Variants in GPR158 observed in about 807,000 individuals in gnomAD.
The protein encoded by GPR158 is G protein-coupled receptor 158.
GPR158 carries 30 observed loss-of-function variants against 78.2 expected under a neutral mutation model. The ratio of observed to expected loss-of-function variants is 0.38; its 90% CI spans 0.29 to 0.52. The LOEUF is 0.52. Among genes scored for constraint, GPR158 ranks in the 20% least tolerant of loss-of-function variants. GPR158 has a pLI of 0.83. For missense variants in GPR158, 1,463 were observed against 1,523.5 expected, an observed-to-expected ratio of 0.96 and a Z score of 0.66; for synonymous variants, 581 against 591.1, an observed-to-expected ratio of 0.98 and a Z score of 0.25.
intron 4 of GPR158, among the ~76,000 whole-genome samples, chr10:25,452,121 T>G (rs1335776409): frequency 6.6e-6 from 1 of 151,766 alleles, no homozygotes; most frequent in African/African-American, 2.4e-5. Context: ...CACTGCAGAC[T>G]CAACCTCCTG....
intron 3 of GPR158, among the ~76,000 whole-genome samples, chr10:25,402,458 T>C (rs1249894017): frequency 6.6e-6 from 1 of 152,076 alleles, no homozygotes. Context: ...ATTGTATCAG[T>C]ATTAAATTTC....
intron 7 of GPR158, among the ~76,000 whole-genome samples, chr10:25,580,518 T>C (rs1314541633): frequency 6.6e-6 from 1 of 152,182 alleles, no homozygotes; most frequent in Admixed American, 6.5e-5. Flanking sequence ...ATTTAAATAC[T>C]TAATTACCCT....
chr10:25,417,801 C>A (rs1480424415), intron 4 of GPR158, among the ~76,000 whole-genome samples: 2 of 152,156 alleles, frequency 1.3e-5, no homozygotes, highest in Non-Finnish European at 2.9e-5. Flanking sequence ...GGCCAGGAAA[C>A]ACCTGGTTAG....
At chr10:25,219,695 G>GA (rs1214842874) in intron 1 of GPR158, among the ~76,000 whole-genome samples, 1 of 152,144 alleles carries the variant, frequency 6.6e-6, no homozygotes, top group African/African-American at 2.4e-5. Context: ...GAGGCAGACT[G>GA]AAAAAATAAA....
intron 2 of GPR158, among the ~76,000 whole-genome samples, chr10:25,372,088 CA>C (rs1412448567): frequency 1.6e-5 from 1 of 61,640 alleles, no homozygotes; most frequent in Non-Finnish European, 4.1e-5. Context: ...TTTATGCAGC[CA>C]AAAAACACAT....
intron 2 of GPR158, among the ~76,000 whole-genome samples, chr10:25,222,397 C>T (rs1853311448): frequency 6.7e-6 from 1 of 149,772 alleles, no homozygotes; most frequent in African/African-American, 2.5e-5. Context: ...CCTGATGATC[C>T]CCCACTTCAT....
At chr10:25,302,379 C>T (rs1378329910) in intron 2 of GPR158, among the ~76,000 whole-genome samples, 3 of 152,010 alleles carry the variant, frequency 2.0e-5, no homozygotes, top group East Asian at 3.9e-4. Context: ...CCACCGCGCC[C>T]GGCCATTTGT....
intron 2 of GPR158, among the ~76,000 whole-genome samples, chr10:25,289,465 C>T (rs1011544670): frequency 1.3e-5 from 2 of 152,070 alleles, no homozygotes; most frequent in Admixed American, 6.6e-5. Context: ...CGGAGTCTTG[C>T]TCTGTCACCC....
At chr10:25,392,954 A>G (rs1429651699) in intron 2 of GPR158, among the ~76,000 whole-genome samples, 1 of 152,134 alleles carries the variant, frequency 6.6e-6, no homozygotes, top group Non-Finnish European at 1.5e-5. Context: ...GCTTTTATTG[A>G]TTTTAATTGA....
At chr10:25,192,038 G>A (rs930379464) in intron 1 of GPR158, among the ~76,000 whole-genome samples, 11 of 152,168 alleles carry the variant, frequency 7.2e-5, no homozygotes, top group South Asian at 6.2e-4. Context: ...ATACGGTTTG[G>A]CTGTGTCTGC....
chr10:25,590,423 T>A (rs1837326378), intron 8 of GPR158, among the ~76,000 whole-genome samples: 1 of 152,176 alleles, frequency 6.6e-6, no homozygotes, highest in East Asian at 1.9e-4. Context: ...AGAAATGCTT[T>A]TTCAGCTACT....
At position 25,399,737 on chromosome 10, in the gene GPR158, G is replaced by A. The variant is rs529037013; in HGVS notation, c.1111+3724G>A. On this transcript the variant is annotated intron_variant, in intron 3 of 10. Coordinates refer to ENST00000376351, the MANE Select transcript of GPR158 (RefSeq NM_020752.3). ...AGGAATATGAGCTCTGTAACTCACC[G>A]GGGTCATCATCGAAGAACTACTCAA... 1.3e-4 allele frequency among the ~76,000 whole-genome samples: 20 copies of A among 152,280 alleles called. 1 individual carries two copies. The East Asian group carries it at 2.7e-3, about 21-fold the overall frequency.
At chr10:25,278,015 A>G (rs1478449260) in intron 2 of GPR158, among the ~76,000 whole-genome samples, 1 of 152,198 alleles carries the variant, frequency 6.6e-6, no homozygotes, top group Non-Finnish European at 1.5e-5. Context: ...ACTTCCTTAA[A>G]AAAACCACCT....
At chr10:25,247,466 TC>T (rs1177614668) in intron 2 of GPR158, among the ~76,000 whole-genome samples, 2 of 67,164 alleles carry the variant, frequency 3.0e-5, no homozygotes, top group Non-Finnish European at 5.4e-5. Context: ...CCCTCCCCCC[TC>T]CCCCCACCCC....
At chr10:25,569,457 T>A (rs1836974920) in intron 6 of GPR158, among the ~76,000 whole-genome samples, 1 of 152,194 alleles carries the variant, frequency 6.6e-6, no homozygotes. Flanking sequence ...AAAAAATATT[T>A]ATCACATTTT....
In GPR158 at chr10:25,569,018, C is replaced by T. The variant is rs568374676; in HGVS notation, c.1515-3631C>T. ...ACCTCTAGGCTTCTTTTAAGACAAT[C>T]CTAGAAAAATACATCTTATTCCATT... On this transcript the variant is annotated intron_variant, in intron 6 of 10. Coordinates refer to ENST00000376351, the MANE Select transcript of GPR158 (RefSeq NM_020752.3). Among the ~76,000 whole-genome samples, 43 of 152,200 alleles carry T rather than the reference C, an allele frequency of 2.8e-4. 1 individual carries two copies. In the South Asian group the frequency reaches 7.9e-3, roughly 28 times the overall value.
chr10:25,196,921 C>T (rs1852852142), intron 1 of GPR158, among the ~76,000 whole-genome samples: 1 of 152,218 alleles, frequency 6.6e-6, no homozygotes, highest in Non-Finnish European at 1.5e-5. Context: ...ATGGTCTTAA[C>T]ACAAGCTGTC....
intron 2 of GPR158, among the ~76,000 whole-genome samples, chr10:25,372,367 C>G (rs1018625815): frequency 6.6e-6 from 1 of 151,282 alleles, no homozygotes; most frequent in Non-Finnish European, 1.5e-5. Context: ...GGTATATACC[C>G]AAAGGGCTGT....
chr10:25,576,552 A>T (rs1207800569), intron 7 of GPR158, among the ~76,000 whole-genome samples: 2 of 152,210 alleles, frequency 1.3e-5, no homozygotes, highest in Non-Finnish European at 2.9e-5. Context: ...ACTGGGAAAG[A>T]GGACATAGAG....
Sources: allele counts gnomAD v4.1 joint callset (sites outside exome capture counted in the v4.1 genomes callset), GRCh38; gene constraint gnomAD v4.1.1; transcripts MANE v1.5; gene names NCBI Gene and HGNC (gene_info 2026-07-23, HGNC 2026-07-21).